Variants in STXBP4 observed in about 807,000 individuals in gnomAD.
The protein encoded by STXBP4 is syntaxin-binding protein 4.
In STXBP4, 55 loss-of-function variants were observed where a neutral mutation model predicts 76.1. The observed-to-expected ratio is 0.72, with a 90% CI of 0.58 to 0.91. STXBP4 has a LOEUF of 0.91. STXBP4 is among the 40% of genes least tolerant of loss of function. The probability of loss-of-function intolerance (pLI) is 0.00; values close to 1 mark genes in which losing one functional copy is unlikely to be tolerated. For missense variants in STXBP4, 618 were observed against 636.9 expected (o/e 0.97, Z 0.32); for synonymous variants, 201 against 220.2 (o/e 0.91, Z 0.77).
At chr17:55,015,397 T>C (rs1221372951) in intron 8 of STXBP4, among the ~76,000 whole-genome samples, 1 of 152,182 alleles carries the variant, frequency 6.6e-6, no homozygotes, top group African/African-American at 2.4e-5. Context: ...CTAACTGAAA[T>C]ACCAGAGATT....
intron 10 of STXBP4, among the ~76,000 whole-genome samples, chr17:55,037,021 T>C (rs943769713): frequency 3.3e-5 from 5 of 152,154 alleles, no homozygotes; most frequent in African/African-American, 1.2e-4. Context: ...AAGCAATCTC[T>C]TTTACTGCTA....
intron 16 of STXBP4, among the ~76,000 whole-genome samples, chr17:55,118,060 A>G (rs1193077691): frequency 2.6e-5 from 4 of 152,004 alleles, no homozygotes; most frequent in Non-Finnish European, 4.4e-5. Context: ...TTGAGGGCCT[A>G]TGATATGTCA....
the STXBP4 span, among the ~76,000 whole-genome samples, chr17:55,204,456 T>C: frequency 6.6e-6 from 1 of 152,114 alleles, no homozygotes; most frequent in African/African-American, 2.4e-5. Context: ...TCTTACCTTT[T>C]TTGCCTGCCA....
chr17:55,148,014 T>G (rs1298850089), intron 17 of STXBP4, among the ~76,000 whole-genome samples: 2 of 152,124 alleles, frequency 1.3e-5, no homozygotes, highest in Non-Finnish European at 2.9e-5. Flanking sequence ...AACTATTAGG[T>G]TGGAATAACA....
At chr17:55,135,176 G>C (rs2080015188) in intron 16 of STXBP4, among the ~76,000 whole-genome samples, 1 of 152,128 alleles carries the variant, frequency 6.6e-6, no homozygotes, top group South Asian at 2.1e-4. Flanking sequence ...AGATAAAGTA[G>C]ACTGTGAACC....
At position 55,161,155 on chromosome 17, in the gene STXBP4, T is replaced by A. The variant is rs1453997949; in HGVS notation, c.*1244T>A. The A allele has an allele frequency of 2.0e-5, 3 of 152,228 alleles. No homozygotes were observed. The highest frequency in any genetic ancestry group is 4.4e-5 in the Non-Finnish European group (3 of 68,034). 9.4% of individuals were successfully genotyped at this position (152,228 alleles called of 1,614,324 possible). A position where few individuals can be genotyped will look rare whatever the true frequency, so the allele number is the denominator to read the frequency against. On this transcript the variant is annotated 3_prime_UTR_variant, in exon 18 of 18. Transcript: ENST00000376352. ...AGTCTACTGAATTTCATATGGTGTA[T>A]AATACAGATTTATATGGTAAAGATA...
intron 16 of STXBP4, among the ~76,000 whole-genome samples, chr17:55,081,631 A>G (rs1452034747): frequency 1.3e-5 from 2 of 152,228 alleles, no homozygotes; most frequent in African/African-American, 2.4e-5. Flanking sequence ...AAACCCCAGG[A>G]TCACAGACAG....
At chr17:55,124,643 G>A (rs2079886650) in intron 16 of STXBP4, among the ~76,000 whole-genome samples, 1 of 152,192 alleles carries the variant, frequency 6.6e-6, no homozygotes, top group African/African-American at 2.4e-5. Context: ...ATTCTGTCAA[G>A]TAAGTTGATT....
At chr17:55,031,703 C>G (rs1019938891) in intron 9 of STXBP4, among the ~76,000 whole-genome samples, 1 of 152,000 alleles carries the variant, frequency 6.6e-6, no homozygotes, top group African/African-American at 2.4e-5. Flanking sequence ...TTTCCCGGAC[C>G]CCTGCATATA....
At chr17:55,095,154 A>G (rs967844385) in intron 16 of STXBP4, among the ~76,000 whole-genome samples, 1 of 152,218 alleles carries the variant, frequency 6.6e-6, no homozygotes, top group African/African-American at 2.4e-5. Context: ...TGAACAGTCT[A>G]TCACATTAAA....
At chr17:55,123,892 C>T (rs1345309174) in intron 16 of STXBP4, among the ~76,000 whole-genome samples, 1 of 150,456 alleles carries the variant, frequency 6.6e-6, no homozygotes, top group Non-Finnish European at 1.5e-5. Context: ...AAGCAAGACT[C>T]AGTCTCAAAA....
At chr17:55,107,602 G>A (rs771107413) in intron 16 of STXBP4, among the ~76,000 whole-genome samples, 1 of 152,156 alleles carries the variant, frequency 6.6e-6, no homozygotes, top group Non-Finnish European at 1.5e-5. Flanking sequence ...TGGGGTTTCT[G>A]TATGGATATC....
chr17:55,120,576 T>C (rs1386835350), intron 16 of STXBP4, among the ~76,000 whole-genome samples: 1 of 152,218 alleles, frequency 6.6e-6, no homozygotes, highest in Non-Finnish European at 1.5e-5. Flanking sequence ...TTCAAAAATA[T>C]GAAGCTCCAA....
At chr17:55,159,741 T>C in intron 17 of STXBP4, 56 bp from the exon 18 acceptor site, 1 of 1,201,994 alleles carries the variant, frequency 8.3e-7, no homozygotes, top group South Asian at 1.3e-5. Flanking sequence ...AGTACTTGCA[T>C]GGATGAGTAG....
the STXBP4 span, among the ~76,000 whole-genome samples, chr17:55,180,716 T>TA: frequency 3.3e-5 from 5 of 152,288 alleles, no homozygotes; most frequent in Admixed American, 1.3e-4. Context: ...ACCTCACTAT[T>TA]ACCAGTGTGG....
At chr17:55,010,744 A>G (rs1402199949) in intron 8 of STXBP4, among the ~76,000 whole-genome samples, 1 of 152,152 alleles carries the variant, frequency 6.6e-6, no homozygotes, top group Non-Finnish European at 1.5e-5. Flanking sequence ...GTAGAGAGCA[A>G]TGGCATACCC....
intron 16 of STXBP4, among the ~76,000 whole-genome samples, chr17:55,121,564 A>G (rs1000445256): frequency 6.6e-6 from 1 of 152,170 alleles, no homozygotes; most frequent in Non-Finnish European, 1.5e-5. Flanking sequence ...AAACCTGGTA[A>G]CCTTAATATC....
intron 1 of STXBP4, among the ~76,000 whole-genome samples, chr17:54,984,625 GA>G (rs1353164970): frequency 1.3e-5 from 2 of 152,104 alleles, no homozygotes; most frequent in Admixed American, 1.3e-4. Flanking sequence ...TTACAGGCGT[GA>G]ACCACCGCAC....
At chr17:55,062,088 T>C (rs2079000782) in intron 12 of STXBP4, among the ~76,000 whole-genome samples, 1 of 143,882 alleles carries the variant, frequency 7.0e-6, no homozygotes, top group Non-Finnish European at 1.5e-5. Context: ...CTTAAAAGGC[T>C]TTTTTTTTTT....
Sources: gnomAD v4.1 joint callset for allele counts (sites outside exome capture counted in the v4.1 genomes callset) on GRCh38, gnomAD v4.1.1 for gene constraint, MANE v1.5 for transcripts, NCBI Gene and HGNC (gene_info 2026-07-23, HGNC 2026-07-21) for gene names.